DPYSL2: variants seen among roughly 807,000 people sequenced by gnomAD.
DPYSL2 encodes the protein dihydropyrimidinase-related protein 2.
Under a neutral mutation model 69.9 loss-of-function variants are expected in DPYSL2, and 13 were observed. The ratio of observed to expected loss-of-function variants is 0.19; its 90% CI spans 0.12 to 0.30. The LOEUF (loss-of-function observed/expected upper bound fraction) is 0.30, where lower values mean the gene tolerates loss of function less well. Ranked by LOEUF, DPYSL2 falls within the 10% of genes least tolerant of loss-of-function variation. DPYSL2 has a pLI of 1.00. For missense variants in DPYSL2, 587 were observed against 918.9 expected, an observed-to-expected ratio of 0.64 and a Z score of 4.67; for synonymous variants, 326 against 359.1, an observed-to-expected ratio of 0.91 and a Z score of 1.04.
chr8:26,550,414 A>C (rs1563382648), intron 1 of DPYSL2, among the ~76,000 whole-genome samples: 1 of 152,148 alleles, frequency 6.6e-6, no homozygotes, highest in Admixed American at 6.5e-5. Context: ...ATAAAATAGT[A>C]ACAAGCATAG....
At chr8:26,529,306 CT>C (rs1410925463) in intron 1 of DPYSL2, among the ~76,000 whole-genome samples, 24 of 151,520 alleles carry the variant, frequency 1.6e-4, no homozygotes, top group Admixed American at 7.9e-4. Flanking sequence ...TATCTATCAT[CT>C]ATCTATCTAT....
chr8:26,577,970 T>A, intron 1 of DPYSL2: 1 of 1,299,316 alleles, frequency 7.7e-7, no homozygotes, highest in African/African-American at 1.5e-5. Flanking sequence ...TTCCACCCCC[T>A]TCCCTCCTGT....
At chr8:26,602,306 T>C (rs1442615290) in intron 3 of DPYSL2, among the ~76,000 whole-genome samples, 2 of 152,048 alleles carry the variant, frequency 1.3e-5, no homozygotes, top group Non-Finnish European at 2.9e-5. Flanking sequence ...TATATAAAAA[T>C]TCTCCTGTTT....
chr8:26,562,231 T>G lies in DPYSL2; in HGVS notation c.355-19738T>G, dbSNP rs1303563153. Among the ~76,000 whole-genome samples, 5 of 152,222 alleles carry G rather than the reference T, an allele frequency of 3.3e-5. No homozygotes were observed. Among genetic ancestry groups the G allele is most frequent in the Admixed American group, 3.3e-4 (5 of 15,288 alleles). ...AGTTTTGGGTCCTGGGGAAAGTTCC[T>G]TAATCTCACTTTGTTTCCACTCTAC... On this transcript the variant is annotated intron_variant, in intron 1 of 13. Coordinates refer to ENST00000521913, the MANE Select transcript of DPYSL2 (RefSeq NM_001197293.3). This position sits in a 1 kb window ranked among gnomAD's most constrained non-coding sequence, Gnocchi z 4.9.
rs565864444 is a variant in DPYSL2, at chr8:26,605,577, C to T, written c.629-18566C>T. 2.3e-3 allele frequency among the ~76,000 whole-genome samples: 354 copies of T among 152,260 alleles called. 1 individual carries two copies. The highest frequency in any genetic ancestry group is 8.3e-3 in the African/African-American group (344 of 41,546). On this transcript the variant is annotated intron_variant, in intron 3 of 13. Transcript: ENST00000521913. This position sits in a 1 kb window ranked among gnomAD's most constrained non-coding sequence, Gnocchi z 4.1. ...ATTATTACTATTTTTAGATGGTTTA[C>T]TTTAGCCATTCAAAGGAATTAAATG...
intron 3 of DPYSL2, among the ~76,000 whole-genome samples, chr8:26,615,526 A>G (rs1802325117): frequency 6.6e-6 from 1 of 150,938 alleles, no homozygotes; most frequent in Non-Finnish European, 1.5e-5. Flanking sequence ...ATTGAGTCAC[A>G]TAGTTCCATG....
At chr8:26,584,077 G>C in intron 3 of DPYSL2, 94 bp downstream of exon 3, 1 of 1,307,776 alleles carries the variant, frequency 7.6e-7, no homozygotes, top group Non-Finnish European at 1.1e-6. Flanking sequence ...AAAACTTGCT[G>C]TCCTGAGCCA....
At chr8:26,607,803 G>A (rs1173529982) in intron 3 of DPYSL2, among the ~76,000 whole-genome samples, 1 of 151,810 alleles carries the variant, frequency 6.6e-6, no homozygotes, top group Non-Finnish European at 1.5e-5. Context: ...AAATCGGCTG[G>A]GTGTGGTGGC....
intron 1 of DPYSL2, among the ~76,000 whole-genome samples, chr8:26,557,313 G>A (rs894684895): frequency 2.7e-5 from 4 of 150,894 alleles, no homozygotes; most frequent in Non-Finnish European, 4.4e-5. Context: ...GTAAAGAACT[G>A]TTATCCAAAA....
intron 3 of DPYSL2, among the ~76,000 whole-genome samples, chr8:26,602,334 C>T (rs1246910971): frequency 6.6e-6 from 1 of 151,916 alleles, no homozygotes; most frequent in African/African-American, 2.4e-5. Flanking sequence ...AGATCTCTCT[C>T]GTCCTCCTAA....
In DPYSL2 at chr8:26,647,068, C is replaced by T. The variant is rs1803182223; in HGVS notation, c.1426-562C>T. On this transcript the variant is annotated intron_variant, in intron 10 of 13. Coordinates refer to ENST00000521913, the MANE Select transcript of DPYSL2 (RefSeq NM_001197293.3). The surrounding 1 kb of genome is among the most constrained non-coding windows in gnomAD (Gnocchi z 5.1). ...AGCCAATTGGGCCAAATGATATTTCCTAAAGAGGGATTGCCACCCCTGCAA... is the reference window on the plus strand; with the variant it reads ...AGCCAATTGGGCCAAATGATATTTCTTAAAGAGGGATTGCCACCCCTGCAA... Among the ~76,000 whole-genome samples, 1 of 151,820 alleles carries T rather than the reference C, an allele frequency of 6.6e-6. No homozygotes were observed. The highest frequency in any genetic ancestry group is 1.5e-5 in the Non-Finnish European group (1 of 67,990).
intron 1 of DPYSL2, among the ~76,000 whole-genome samples, chr8:26,539,209 A>C (rs994840225): frequency 3.9e-5 from 6 of 152,222 alleles, no homozygotes; most frequent in Non-Finnish European, 5.9e-5. Context: ...GCACATATAA[A>C]ACAATTGGTT....
intron 1 of DPYSL2, among the ~76,000 whole-genome samples, chr8:26,520,389 A>G (rs1269470089): frequency 6.6e-6 from 1 of 151,932 alleles, no homozygotes; most frequent in East Asian, 1.9e-4. Context: ...TCACTCTAAT[A>G]TATACTGATT....
chr8:26,639,183 T>A (rs1182003991), intron 8 of DPYSL2, among the ~76,000 whole-genome samples: 1 of 152,102 alleles, frequency 6.6e-6, no homozygotes, highest in African/African-American at 2.4e-5. Context: ...TGGGGATGAG[T>A]CCTTAGTTAA....
At chr8:26,575,083 G>A (rs1801304968) in intron 1 of DPYSL2, among the ~76,000 whole-genome samples, 1 of 152,218 alleles carries the variant, frequency 6.6e-6, no homozygotes, top group Non-Finnish European at 1.5e-5. Flanking sequence ...ACCGGCCCCA[G>A]CCACCATGCC....
At position 26,621,542 on chromosome 8, in the gene DPYSL2, C is replaced by G. The variant is rs533978571; in HGVS notation, c.629-2601C>G. ...AGCATTCATTTGGCTCTTCCCTGAT[C>G]TAGGCGTTCAGTACCTGCTCAGAGG... On this transcript the variant is annotated intron_variant, in intron 3 of 13. Transcript: ENST00000521913. The surrounding 1 kb of genome is among the most constrained non-coding windows in gnomAD (Gnocchi z 4.9). Among the ~76,000 whole-genome samples the G allele has an allele frequency of 7.2e-5, 11 of 152,290 alleles. No homozygotes were observed. Among genetic ancestry groups the G allele is most frequent in the Middle Eastern group, 3.4e-3 (1 of 294 alleles).
Position 26,514,548 on chromosome 8 carries a change from G to T in DPYSL2, c.223G>T (p.Gly75Cys). 1 of 1,528,266 alleles carries T rather than the reference G, an allele frequency of 6.5e-7. No individual in the cohort carries two copies. The highest frequency in any genetic ancestry group is 8.7e-7 in the Non-Finnish European group (1 of 1,143,248). The allele number at this position is 1,528,266 out of a possible 1,614,324, so 94.7% of individuals were successfully genotyped here. Residue 75 changes from glycine (G) to cysteine (C), a missense_variant, in exon 1 of 14, where the codon GGC (glycine) becomes TGC (cysteine). Physicochemically the swap from Gly to Cys is radical, Grantham distance 159. Around this residue, in one of 3 missense-constraint regions of DPYSL2, gnomAD observed 85 missense variants for 77.7 expected, o/e 1.09. Coordinates refer to ENST00000521913, the MANE Select transcript of DPYSL2 (RefSeq NM_001197293.3). This position sits in a 1 kb window ranked among gnomAD's most constrained non-coding sequence, Gnocchi z 8.4. ...VAQQRDVAHL[G>C]PDPQPPYSRQ... Reference sequence around the variant, plus strand: ...TCAGCAGCGGGACGTCGCCCACTTGGGCCCGGACCCGCAGCCGCCGTACTC... The same window carrying T: ...TCAGCAGCGGGACGTCGCCCACTTGTGCCCGGACCCGCAGCCGCCGTACTC...
At chr8:26,569,415 A>T (rs1342634387) in intron 1 of DPYSL2, among the ~76,000 whole-genome samples, 1 of 151,920 alleles carries the variant, frequency 6.6e-6, no homozygotes, top group Admixed American at 6.6e-5. Flanking sequence ...CCTGGGATGA[A>T]TCAGGATTAG....
intron 3 of DPYSL2, among the ~76,000 whole-genome samples, chr8:26,622,444 TTGTA>T (rs1371389243): frequency 2.0e-5 from 3 of 148,306 alleles, no homozygotes; most frequent in Admixed American, 1.3e-4. Context: ...GATGGCCATA[TTGTA>T]TGTGTGTGTG....
Sources: allele counts gnomAD v4.1 joint callset (sites outside exome capture counted in the v4.1 genomes callset), GRCh38; gene constraint gnomAD v4.1.1; regional missense constraint gnomAD v4.1.1; non-coding constraint Gnocchi (gnomAD v3.1); transcripts MANE v1.5; gene names NCBI Gene and HGNC (gene_info 2026-07-23, HGNC 2026-07-21).